Variants in TPO observed in about 807,000 individuals in gnomAD.
The protein encoded by TPO is thyroid microsomal antigen.
Under a neutral mutation model 96.9 loss-of-function variants are expected in TPO, and 78 were observed. That is an observed-to-expected ratio of 0.81 (90% confidence interval 0.67 to 0.97). The LOEUF (loss-of-function observed/expected upper bound fraction) is 0.97, where lower values mean the gene tolerates loss of function less well. Among genes scored for constraint, TPO ranks in the 50% least tolerant of loss-of-function variants. TPO has a pLI of 0.00. For synonymous variants in TPO, 547 were observed against 538.0 expected (o/e 1.02, Z -0.23); for missense variants, 1,252 against 1,274.8 (o/e 0.98, Z 0.27).
At chr2:1,405,196 TTCATCCATCCAC>T (rs1662231540) in intron 1 of TPO, among the ~76,000 whole-genome samples, 1 of 149,774 alleles carries the variant, frequency 6.7e-6, no homozygotes, top group African/African-American at 2.5e-5. Context: ...CATCCATCCA[TTCATCCATCCAC>T]TCATTCATTC....
intron 5 of TPO, among the ~76,000 whole-genome samples, chr2:1,442,448 T>C (rs906272859): frequency 6.6e-6 from 1 of 152,214 alleles, no homozygotes; most frequent in African/African-American, 2.4e-5. Context: ...GTATTACATA[T>C]GATTATTCAT....
chr2:1,529,282 ACT>A (rs1677423575), intron 15 of TPO, among the ~76,000 whole-genome samples: 1 of 63,956 alleles, frequency 1.6e-5, no homozygotes, highest in African/African-American at 7.3e-5. Flanking sequence ...AAATCCCCCC[ACT>A]GTGTGCAACC....
intron 1 of TPO, among the ~76,000 whole-genome samples, chr2:1,405,771 C>T (rs1354424332): frequency 3.3e-5 from 5 of 152,188 alleles, no homozygotes; most frequent in Non-Finnish European, 7.3e-5. Context: ...TATTCATGTT[C>T]ACACTTGTCA....
At chr2:1,421,185 C>T (rs28910005) in intron 2 of TPO, among the ~76,000 whole-genome samples, 5,524 of 152,174 alleles carry the variant, frequency 0.036, 181 homozygotes, top group South Asian at 0.15. Flanking sequence ...GCAAAAGGCA[C>T]GACGGCCGGG....
At chr2:1,414,105 A>G (rs1372092393) in intron 1 of TPO, among the ~76,000 whole-genome samples, 1 of 152,186 alleles carries the variant, frequency 6.6e-6, no homozygotes, top group Admixed American at 6.5e-5. Context: ...ACTATTTGAC[A>G]TTACCAAAAA....
At chr2:1,465,645 AT>A (rs964729349) in intron 7 of TPO, among the ~76,000 whole-genome samples, 3 of 150,980 alleles carry the variant, frequency 2.0e-5, no homozygotes, top group African/African-American at 7.3e-5. Context: ...TAAGTATTTT[AT>A]TTTTTTCAGC....
intron 5 of TPO, among the ~76,000 whole-genome samples, chr2:1,451,196 G>A (rs1667272668): frequency 6.6e-6 from 1 of 152,150 alleles, no homozygotes; most frequent in African/African-American, 2.4e-5. Flanking sequence ...TAAACTGGAA[G>A]AGTCTCAGCT....
intron 14 of TPO, chr2:1,512,481 C>G (rs1298321351): frequency 1.0e-6 from 1 of 985,316 alleles, no homozygotes; most frequent in Non-Finnish European, 1.2e-6. Flanking sequence ...TCCGCGCTGC[C>G]TTCTGGTTCT....
intron 3 of TPO, among the ~76,000 whole-genome samples, chr2:1,425,435 TC>T (rs1664256117): frequency 6.6e-6 from 1 of 151,936 alleles, no homozygotes; most frequent in African/African-American, 2.4e-5. Flanking sequence ...TTCTGTAAAG[TC>T]ATTGTTCTAG....
At chr2:1,479,562 A>G (rs534151729) in intron 8 of TPO, among the ~76,000 whole-genome samples, 9 of 152,198 alleles carry the variant, frequency 5.9e-5, no homozygotes, top group East Asian at 1.9e-4. Context: ...GAAACGCCCA[A>G]TTGTCACGCA....
At chr2:1,418,888 A>G (rs1224225625) in intron 2 of TPO, among the ~76,000 whole-genome samples, 1 of 152,270 alleles carries the variant, frequency 6.6e-6, no homozygotes, top group African/African-American at 2.4e-5. Context: ...AGCAAGGATT[A>G]AAGTAAGAAT....
At chr2:1,446,291 G>A (rs1288476646) in intron 5 of TPO, among the ~76,000 whole-genome samples, 1 of 152,186 alleles carries the variant, frequency 6.6e-6, no homozygotes, top group Non-Finnish European at 1.5e-5. Context: ...CCCTGGGCCT[G>A]GCTTCTCCAC....
Position 1,514,348 on chromosome 2 carries a change from A to G in TPO, c.2519-2535A>G, listed in dbSNP as rs188981003. 4.9e-3 allele frequency among the ~76,000 whole-genome samples: 739 copies of G among 152,324 alleles called. 7 individuals are homozygous for G. The highest frequency in any genetic ancestry group is 5.0e-3 in the Non-Finnish European group (342 of 68,018). ...CCAACTCAAAAACACAGTGGGAATA[A>G]TGTCTAATCTGGGCGCCTGTGCTCC... On this transcript the variant is annotated intron_variant, in intron 14 of 16. Coordinates refer to ENST00000329066, the MANE Select transcript of TPO (RefSeq NM_001206744.2).
At chr2:1,407,035 G>A (rs994396736) in intron 1 of TPO, among the ~76,000 whole-genome samples, 4 of 152,210 alleles carry the variant, frequency 2.6e-5, no homozygotes, top group African/African-American at 9.6e-5. Flanking sequence ...CATTGATGGA[G>A]AAGTGAGGGA....
chr2:1,397,876 A>G (rs1257050658), intron 1 of TPO, among the ~76,000 whole-genome samples: 1 of 152,134 alleles, frequency 6.6e-6, no homozygotes, highest in African/African-American at 2.4e-5. Flanking sequence ...TCAAACCCAG[A>G]CACATGTCAG....
At chr2:1,408,128 G>A (rs986529436) in intron 1 of TPO, among the ~76,000 whole-genome samples, 1 of 152,196 alleles carries the variant, frequency 6.6e-6, no homozygotes, top group Non-Finnish European at 1.5e-5. Context: ...GCCAAATCAT[G>A]GATGGCCACT....
intron 15 of TPO, among the ~76,000 whole-genome samples, chr2:1,528,479 C>A (rs1477888715): frequency 6.9e-6 from 1 of 144,766 alleles, no homozygotes; most frequent in Non-Finnish European, 1.5e-5. Flanking sequence ...CTGTGTGCAA[C>A]CTCCTCAAAT....
At chr2:1,502,970 G>A (rs1044949986) in intron 13 of TPO, among the ~76,000 whole-genome samples, 2 of 152,148 alleles carry the variant, frequency 1.3e-5, no homozygotes, top group Non-Finnish European at 2.9e-5. Context: ...GCTGGCCTTC[G>A]AGGCCTCACG....
At position 1,433,435 on chromosome 2, in the gene TPO, T is replaced by G. The variant is rs199549122; in HGVS notation, c.180-3T>G. On this transcript the variant is annotated splice_polypyrimidine_tract_variant and splice_region_variant and intron_variant, in intron 3 of 16. Coordinates refer to ENST00000329066, the MANE Select transcript of TPO (RefSeq NM_001206744.2). ...TATTTTATATCTTCTTTATGTGCCA[T>G]AGAAACCTCAAGAAAAGAGGAATCC... 6.2e-7 allele frequency: 1 copy of G among 1,614,084 alleles called. No homozygotes were observed. Among genetic ancestry groups the G allele is most frequent in the South Asian group, 1.1e-5 (1 of 91,074 alleles).
Sources: allele counts gnomAD v4.1 joint callset (sites outside exome capture counted in the v4.1 genomes callset), GRCh38; gene constraint gnomAD v4.1.1; transcripts MANE v1.5; gene names NCBI Gene and HGNC (gene_info 2026-07-23, HGNC 2026-07-21).